SRGAP1: variants seen among roughly 807,000 people sequenced by gnomAD.
SRGAP1 encodes the protein SLIT-ROBO Rho GTPase activating protein 1, also known as SLIT-ROBO Rho GTPase-activating protein 1.
A neutral mutation model predicts 121.9 loss-of-function variants in SRGAP1; 43 were observed. The observed-to-expected ratio is 0.35, with a 90% CI of 0.28 to 0.46. SRGAP1 has a LOEUF of 0.46. Among genes scored for constraint, SRGAP1 ranks in the 20% least tolerant of loss-of-function variants. The pLI, the probability that SRGAP1 is intolerant of heterozygous loss-of-function variation, is 1.00. For missense variants in SRGAP1, 1,102 were observed against 1,350.9 expected (o/e 0.82, Z 2.89); for synonymous variants, 447 against 485.4 (o/e 0.92, Z 1.04).
At chr12:63,882,455 G>A (rs565762400) in intron 1 of SRGAP1, among the ~76,000 whole-genome samples, 7 of 152,176 alleles carry the variant, frequency 4.6e-5, no homozygotes, top group Non-Finnish European at 1.0e-4. Flanking sequence ...CTAAGTTTTT[G>A]TATTTTTAGT....
intron 5 of SRGAP1, among the ~76,000 whole-genome samples, chr12:64,043,245 A>G (rs965188166): frequency 2.6e-5 from 4 of 152,216 alleles, no homozygotes; most frequent in African/African-American, 9.6e-5. Context: ...GCCCAAATAC[A>G]TTGTTATTAT....
intron 1 of SRGAP1, among the ~76,000 whole-genome samples, chr12:63,845,751 C>T (rs1330398790): frequency 2.0e-5 from 3 of 152,046 alleles, no homozygotes; most frequent in Admixed American, 6.6e-5. Context: ...TTTTTTCCTC[C>T]TCTTTCCTGA....
chr12:63,878,827 A>G (rs11175198), intron 1 of SRGAP1: 41,176 of 152,048 alleles, frequency 0.27, 6,149 homozygotes, highest in East Asian at 0.59. Context: ...CTTCTCATCT[A>G]TAACACAGTG....
At position 63,951,427 on chromosome 12, in the gene SRGAP1, G is replaced by T. The variant is rs12423942; in HGVS notation, c.68-32520G>T. The stretch of plus-strand genomic sequence containing the variant: ...GATTTGCCTGCCTTGGCCTCCCAAA[G>T]TGCTGGAATTATAGGCATAAGCCAC... On this transcript the variant is annotated intron_variant, in intron 1 of 21. Transcript: ENST00000355086. Among the ~76,000 whole-genome samples the T allele has an allele frequency of 6.9e-3, 1,043 of 152,206 alleles. 40 individuals are homozygous for T. The highest frequency in any genetic ancestry group is 0.058 in the Admixed American group (894 of 15,288).
intron 1 of SRGAP1, among the ~76,000 whole-genome samples, chr12:63,878,602 C>G (rs1900098350): frequency 6.6e-6 from 1 of 152,138 alleles, no homozygotes; most frequent in Admixed American, 6.5e-5. Flanking sequence ...ATTGATTTTT[C>G]TAGTCAATTT....
At chr12:63,978,763 C>G (rs1365050453) in intron 1 of SRGAP1, among the ~76,000 whole-genome samples, 1 of 152,224 alleles carries the variant, frequency 6.6e-6, no homozygotes, top group Non-Finnish European at 1.5e-5. Context: ...TAAGTGTAAT[C>G]TTTTGAAGAA....
intron 1 of SRGAP1, among the ~76,000 whole-genome samples, chr12:63,912,022 G>A (rs2030524129): frequency 6.6e-6 from 1 of 152,164 alleles, no homozygotes; most frequent in Non-Finnish European, 1.5e-5. Context: ...AAATTAGGGA[G>A]TGTACTTGGT....
At position 63,855,127 on chromosome 12, in the gene SRGAP1, C is replaced by T. The variant is rs912776780; in HGVS notation, c.67+10244C>T. Among the ~76,000 whole-genome samples, 11 of 152,238 alleles carry T rather than the reference C, an allele frequency of 7.2e-5. 1 individual carries two copies. In the South Asian group the frequency reaches 2.1e-3, roughly 29 times the overall value. Reference sequence around the variant, plus strand: ...AATCCAGGCCAGCAGGACATCTTTGCCCCATTATTAAGTTTCCTTCCATCT... The same window carrying T: ...AATCCAGGCCAGCAGGACATCTTTGTCCCATTATTAAGTTTCCTTCCATCT... On this transcript the variant is annotated intron_variant, in intron 1 of 21. Transcript: ENST00000355086.
intron 18 of SRGAP1, among the ~76,000 whole-genome samples, chr12:64,124,959 G>T (rs143491817): frequency 6.6e-6 from 1 of 152,178 alleles, no homozygotes; most frequent in Non-Finnish European, 1.5e-5. Flanking sequence ...TGTTTCAGCA[G>T]CCTTACATGC....
chr12:63,871,606 G>A, intron 1 of SRGAP1: 1 of 520,062 alleles, frequency 1.9e-6, no homozygotes, highest in Non-Finnish European at 3.4e-6. Flanking sequence ...GCTCATGCAA[G>A]TTAGTGTGAG....
Position 63,903,109 on chromosome 12 carries a change from CTAT to C in SRGAP1, c.67+58231_67+58233del, listed in dbSNP as rs554526943. Among the ~76,000 whole-genome samples, 23 of 152,056 alleles carry C rather than the reference CTAT, an allele frequency of 1.5e-4. No individual in the cohort carries two copies. The East Asian group carries it at 3.9e-3, about 26-fold the overall frequency. On this transcript the variant is annotated intron_variant, in intron 1 of 21. Coordinates refer to ENST00000355086, the MANE Select transcript of SRGAP1 (RefSeq NM_020762.4). ...GTGTGTGTATGTGTGTTTGTGTGAA[CTAT>C]TATTTGGGAAAATTTTAAGCACGCT...
At chr12:64,088,642 A>C (rs1330064628) in intron 11 of SRGAP1, among the ~76,000 whole-genome samples, 2 of 152,090 alleles carry the variant, frequency 1.3e-5, no homozygotes, top group Non-Finnish European at 2.9e-5. Flanking sequence ...GAATCATCAG[A>C]CCTCTGCCAT....
At chr12:63,880,464 C>G (rs1446906663) in intron 1 of SRGAP1, among the ~76,000 whole-genome samples, 1 of 152,142 alleles carries the variant, frequency 6.6e-6, no homozygotes, top group Non-Finnish European at 1.5e-5. Context: ...CTCCTGACCT[C>G]AAGTGATCCG....
At chr12:64,041,875 A>ATATTATTATTAT (rs10689107) in intron 4 of SRGAP1, among the ~76,000 whole-genome samples, 11,321 of 138,508 alleles carry the variant, frequency 0.082, 559 homozygotes, top group East Asian at 0.094. Flanking sequence ...ATTTTCTTTT[A>ATATTATTATTAT]TATTATTATT....
intron 1 of SRGAP1, among the ~76,000 whole-genome samples, chr12:63,846,043 C>T (rs1247075421): frequency 6.6e-6 from 1 of 152,130 alleles, no homozygotes; most frequent in East Asian, 1.9e-4. Flanking sequence ...AGTGTGAATA[C>T]AGACCAACTC....
intron 4 of SRGAP1, among the ~76,000 whole-genome samples, chr12:64,020,596 G>C (rs899879233): frequency 6.6e-6 from 1 of 152,122 alleles, no homozygotes; most frequent in African/African-American, 2.4e-5. Context: ...TAATCCCAGA[G>C]CTTTGGGAGG....
rs754522102 is a variant in SRGAP1 at position 64,016,928 on chromosome 12, C to A, written c.427-22C>A. On this transcript the variant is annotated intron_variant, in intron 3 of 21. Coordinates refer to ENST00000355086, the MANE Select transcript of SRGAP1 (RefSeq NM_020762.4). ...AAGATGTAAATAATTTTAAAATATT[C>A]TTTTTTATTTTCTAATTACAGAGCA... is the stretch of plus-strand genomic sequence containing the variant. 2.2e-6 allele frequency: 3 copies of A among 1,347,448 alleles called. No individual in the cohort carries two copies. The South Asian group carries it at 4.0e-5, about 18-fold the overall frequency. 83.5% of individuals were successfully genotyped at this position (1,347,448 alleles called of 1,614,324 possible). A position where few individuals can be genotyped will look rare whatever the true frequency, so the allele number is the denominator to read the frequency against.
intron 3 of SRGAP1, among the ~76,000 whole-genome samples, chr12:64,006,357 G>A (rs2034081488): frequency 6.6e-6 from 1 of 152,166 alleles, no homozygotes; most frequent in Non-Finnish European, 1.5e-5. Flanking sequence ...CCACTTCTGT[G>A]CCTAGAGCAA....
At chr12:63,992,906 C>T (rs916963826) in intron 3 of SRGAP1, among the ~76,000 whole-genome samples, 3 of 152,164 alleles carry the variant, frequency 2.0e-5, no homozygotes, top group Non-Finnish European at 4.4e-5. Context: ...GATCAGCTTT[C>T]TCATTCCTAA....
Sources: gnomAD v4.1 joint callset for allele counts (sites outside exome capture counted in the v4.1 genomes callset) on GRCh38, gnomAD v4.1.1 for gene constraint, MANE v1.5 for transcripts, NCBI Gene and HGNC (gene_info 2026-07-23, HGNC 2026-07-21) for gene names.